The following PCDHGA9 variants were observed in gnomAD, a reference collection of about 807,000 sequenced individuals.
PCDHGA9 encodes protocadherin gamma-A9.
In PCDHGA9, 37 loss-of-function variants were observed where a neutral mutation model predicts 62.5. That is an observed-to-expected ratio of 0.59 (90% CI 0.46 to 0.78). The LOEUF (loss-of-function observed/expected upper bound fraction) is 0.78, where lower values mean the gene tolerates loss of function less well. PCDHGA9 is among the 30% of genes least tolerant of loss of function. PCDHGA9 has a pLI of 0.00. For synonymous variants in PCDHGA9, 459 were observed against 484.6 expected (o/e 0.95, Z 0.69); for missense variants, 1,138 against 1,166.2 (o/e 0.98, Z 0.35).
intron 1 of PCDHGA9, chr5:141,419,113 C>A: frequency 6.2e-7 from 1 of 1,613,872 alleles, no homozygotes; most frequent in Non-Finnish European, 8.5e-7. Flanking sequence ...CCCCAGAGTA[C>A]AACGTCACCA....
intron 1 of PCDHGA9, among the ~76,000 whole-genome samples, chr5:141,456,544 G>C (rs1020609068): frequency 6.6e-6 from 1 of 152,192 alleles, no homozygotes; most frequent in Non-Finnish European, 1.5e-5. Context: ...AGGGATTGTA[G>C]CCACTCGGGG....
intron 3 of PCDHGA9, among the ~76,000 whole-genome samples, chr5:141,505,989 T>C (rs1275642739): frequency 6.6e-6 from 1 of 152,136 alleles, no homozygotes; most frequent in Non-Finnish European, 1.5e-5. Context: ...ACACCTCCTC[T>C]TTATGCGAGG....
Position 141,490,066 on chromosome 5 carries a change from C to G in PCDHGA9, c.2425-4741C>G. ...TGATCCAGACGAGGGCACCAACGGC[C>G]AACTAGACTATTCTTTTGGAGACCA... On this transcript the variant is annotated intron_variant, in intron 1 of 3. Coordinates refer to ENST00000573521, the MANE Select transcript of PCDHGA9 (RefSeq NM_018921.3). The surrounding 1 kb of genome is among the most constrained non-coding windows in gnomAD (Gnocchi z 5.4). The G allele has an allele frequency of 1.2e-6, 2 of 1,614,248 alleles. No individual in the cohort carries two copies. Among genetic ancestry groups the G allele is most frequent in the Non-Finnish European group, 1.7e-6 (2 of 1,180,034 alleles).
At chr5:141,488,070 C>A (rs777154469) in intron 1 of PCDHGA9, among the ~76,000 whole-genome samples, 3 of 152,076 alleles carry the variant, frequency 2.0e-5, no homozygotes, top group Non-Finnish European at 1.5e-5. Context: ...TCTTTGTCTC[C>A]CAGTATCTAG....
In PCDHGA9 at chr5:141,420,182, C is replaced by G. The variant is rs375716662; in HGVS notation, c.2424+14806C>G. The G allele has an allele frequency of 3.7e-6, 6 of 1,613,694 alleles. No individual in the cohort carries two copies. In the African/African-American group the frequency reaches 8.0e-5, roughly 22 times the overall value. Reference sequence around the variant, plus strand: ...TTTTTTCACATCTGTTGATCATTGTCCAGCCACACAAGATAACCTCAACAA... The same window carrying G: ...TTTTTTCACATCTGTTGATCATTGTGCAGCCACACAAGATAACCTCAACAA... On this transcript the variant is annotated intron_variant, in intron 1 of 3. Transcript: ENST00000573521.
intron 1 of PCDHGA9, among the ~76,000 whole-genome samples, chr5:141,471,995 TG>T: frequency 6.6e-6 from 1 of 152,322 alleles, no homozygotes; most frequent in East Asian, 1.9e-4. Context: ...TAAAAATCCC[TG>T]CATCGTATAG....
At position 141,476,789 on chromosome 5, in the gene PCDHGA9, T is replaced by C; in HGVS notation, c.2425-18018T>C. ...GTTGGACGGAGGGACCCCAGCTCTC[T>C]CCGCCAGCCTGCCTATTCACATCAA... On this transcript the variant is annotated intron_variant, in intron 1 of 3. Transcript: ENST00000573521. The surrounding 1 kb of genome is among the most constrained non-coding windows in gnomAD (Gnocchi z 7.6). 1.2e-6 allele frequency: 2 copies of C among 1,613,374 alleles called. No individual in the cohort carries two copies. The highest frequency in any genetic ancestry group is 4.5e-5 in the East Asian group (2 of 44,864).
Position 141,476,855 on chromosome 5 carries a change from T to C in PCDHGA9, c.2425-17952T>C, listed in dbSNP as rs149491772. The C allele has an allele frequency of 3.2e-4, 519 of 1,613,836 alleles. 3 individuals carry two copies. The African/African-American group carries it at 6.2e-3, about 19-fold the overall frequency. Reference sequence around the variant, plus strand: ...TGACAATGCGCCTGTCTTCAACCAGTCCTTGTACCGGGCGCGCGTCCTGGA... The same window carrying C: ...TGACAATGCGCCTGTCTTCAACCAGCCCTTGTACCGGGCGCGCGTCCTGGA... On this transcript the variant is annotated intron_variant, in intron 1 of 3. Coordinates refer to ENST00000573521, the MANE Select transcript of PCDHGA9 (RefSeq NM_018921.3). This position sits in a 1 kb window ranked among gnomAD's most constrained non-coding sequence, Gnocchi z 7.6.
intron 2 of PCDHGA9, among the ~76,000 whole-genome samples, chr5:141,498,091 C>G (rs2099781521): frequency 6.6e-6 from 1 of 152,156 alleles, no homozygotes; most frequent in African/African-American, 2.4e-5. Context: ...AGAATTGTAT[C>G]TGGTGGTGTG....
In PCDHGA9 at chr5:141,404,265, T is replaced by A; in HGVS notation, c.1313T>A (p.Ile438Asn). The stretch of plus-strand genomic sequence containing the variant: ...CCGCCCCTGTCCACAGAAATTCACA[T>A]CACCCTGCAAGTGACTGACATCAAT... ...GTPPLSTEIH[I>N]TLQVTDINDN... The change falls in exon 1 of 4, where the codon ATC (isoleucine) becomes AAC (asparagine). Residue 438 changes from isoleucine (I) to asparagine (N), a missense_variant. Transcript: ENST00000573521. 1 of 1,613,998 alleles carries A rather than the reference T, an allele frequency of 6.2e-7. No individual in the cohort carries two copies. Among genetic ancestry groups the A allele is most frequent in the Non-Finnish European group, 8.5e-7 (1 of 1,179,884 alleles).
chr5:141,403,291 A>C lies in PCDHGA9; in HGVS notation c.339A>C (p.Arg113Ser). Reference sequence around the variant, plus strand: ...ACTTTAAAGTCCTGGTTGAAGACAGAGTGAAACTGTACGGAATAGAAATAG... The same window carrying C: ...ACTTTAAAGTCCTGGTTGAAGACAGCGTGAAACTGTACGGAATAGAAATAG... ...LVNFKVLVED[R>S]VKLYGIEIEV... The change falls in exon 1 of 4, where the codon AGA becomes AGC. Residue 113 changes from arginine (R) to serine (S), a missense_variant. By Grantham distance (110) the Arg-to-Ser change is moderately radical. Transcript: ENST00000573521. 1 of 1,613,918 alleles carries C rather than the reference A, an allele frequency of 6.2e-7. No homozygotes were observed. Among genetic ancestry groups the C allele is most frequent in the Non-Finnish European group, 8.5e-7 (1 of 1,179,906 alleles).
At chr5:141,481,220 C>T (rs896803040) in intron 1 of PCDHGA9, among the ~76,000 whole-genome samples, 1 of 152,130 alleles carries the variant, frequency 6.6e-6, no homozygotes, top group African/African-American at 2.4e-5. Context: ...GGTAAGGTCT[C>T]CCAGCCTTAA....
rs1178674622 is a variant in PCDHGA9 at position 141,403,068 on chromosome 5, C to G, written c.116C>G (p.Thr39Arg). ...ATTCGCTACTCAGTGCCTGAAGAGA[C>G]AGAAAAGGGCTATATTGTGGGCAAC... ...SQIRYSVPEE[T>R]EKGYIVGNIS... Residue 39 changes from threonine (T) to arginine (R), a missense_variant, in exon 1 of 4, where the codon ACA becomes AGA. Physicochemically the swap from Thr to Arg is moderately conservative, Grantham distance 71. Coordinates refer to ENST00000573521, the MANE Select transcript of PCDHGA9 (RefSeq NM_018921.3). 6.2e-7 allele frequency: 1 copy of G among 1,614,064 alleles called. No homozygotes were observed. Among genetic ancestry groups the G allele is most frequent in the Admixed American group, 1.7e-5 (1 of 60,038 alleles).
chr5:141,485,358 G>T lies in PCDHGA9; in HGVS notation c.2425-9449G>T. 1.2e-6 allele frequency: 2 copies of T among 1,614,100 alleles called. No individual in the cohort carries two copies. Among genetic ancestry groups the T allele is most frequent in the Non-Finnish European group, 1.7e-6 (2 of 1,180,006 alleles). On this transcript the variant is annotated intron_variant, in intron 1 of 3. Coordinates refer to ENST00000573521, the MANE Select transcript of PCDHGA9 (RefSeq NM_018921.3). This position sits in a 1 kb window ranked among gnomAD's most constrained non-coding sequence, Gnocchi z 5.7. ...CTGGATACGGACAGTCTGTCAGCTC[G>T]CAGGCTGCAGGTCGCTGGAGAGGTG...
chr5:141,412,050 A>G (rs1465943762), intron 1 of PCDHGA9: 1 of 152,222 alleles, frequency 6.6e-6, no homozygotes, highest in African/African-American at 2.4e-5. Flanking sequence ...GTGAACTTCT[A>G]TACCCTTTGC....
rs765376157 is a variant in PCDHGA9 at position 141,486,033 on chromosome 5, A to G, written c.2425-8774A>G. 4.3e-6 allele frequency: 7 copies of G among 1,614,148 alleles called. No individual in the cohort carries two copies. The highest frequency in any genetic ancestry group is 5.9e-6 in the Non-Finnish European group (7 of 1,180,014). ...TTTTATTTCAGTGGTCATACCCCTG[A>G]TCGTGTAAGAAACCTCTTTAGCCTG... On this transcript the variant is annotated intron_variant, in intron 1 of 3. Transcript: ENST00000573521. This position sits in a 1 kb window ranked among gnomAD's most constrained non-coding sequence, Gnocchi z 5.0.
At chr5:141,413,500 A>C (rs1422297029) in intron 1 of PCDHGA9, 2 of 1,614,034 alleles carry the variant, frequency 1.2e-6, no homozygotes, top group South Asian at 1.1e-5. Flanking sequence ...GTGCGTGGTG[A>C]GTTTTAATAT....
intron 2 of PCDHGA9, among the ~76,000 whole-genome samples, chr5:141,501,506 G>A (rs770097282): frequency 1.3e-5 from 2 of 151,864 alleles, no homozygotes; most frequent in Non-Finnish European, 2.9e-5. Context: ...GGGGCTCCAA[G>A]GCCTCCAAGC....
intron 3 of PCDHGA9, among the ~76,000 whole-genome samples, chr5:141,509,633 GA>G (rs2099877629): frequency 6.6e-6 from 1 of 152,204 alleles, no homozygotes; most frequent in Non-Finnish European, 1.5e-5. Flanking sequence ...GGGTGATGCT[GA>G]GCCAGGGCCA....
Sources: allele counts gnomAD v4.1 joint callset (sites outside exome capture counted in the v4.1 genomes callset), GRCh38; gene constraint gnomAD v4.1.1; non-coding constraint Gnocchi (gnomAD v3.1); transcripts MANE v1.5; gene names NCBI Gene and HGNC (gene_info 2026-07-23, HGNC 2026-07-21).